The following CTNNA3 variants were observed in gnomAD, a reference collection of about 807,000 sequenced individuals.
CTNNA3 encodes catenin alpha 3.
Under a neutral mutation model 95.7 loss-of-function variants are expected in CTNNA3, and 76 were observed. The ratio of observed to expected loss-of-function variants is 0.79; its 90% CI spans 0.66 to 0.96. The LOEUF is 0.96. CTNNA3 is among the 40% of genes least tolerant of loss of function. CTNNA3 has a pLI of 0.00. For missense variants in CTNNA3, 1,191 were observed against 1,089.8 expected (o/e 1.09, Z -1.31); for synonymous variants, 431 against 374.4 (o/e 1.15, Z -1.74).
At chr10:66,671,218 GTT>G (rs1316645203) in intron 9 of CTNNA3, among the ~76,000 whole-genome samples, 1 of 152,104 alleles carries the variant, frequency 6.6e-6, no homozygotes, top group Admixed American at 6.6e-5. Context: ...CATAAAATAT[GTT>G]ATAAGAGCAT....
rs184166875 is a variant in CTNNA3, at chr10:67,678,161, G to A, written c.-6+17839C>T. Among the ~76,000 whole-genome samples, 8 of 152,048 alleles carry A rather than the reference G, an allele frequency of 5.3e-5. No individual in the cohort carries two copies. The East Asian group carries it at 1.4e-3, about 26-fold the overall frequency. ...TTAAAAATCGTGTAACATAAAAGAG[G>A]AAGACACTTTCTTAAAGATGTAAGG... On this transcript the variant is annotated intron_variant, in intron 1 of 17. Transcript: ENST00000433211.
Position 65,920,634 on chromosome 10 carries a change from G to A in CTNNA3, c.2401-17C>T, listed in dbSNP as rs373428904. Reference sequence around the variant, plus strand: ...ACTGTCCAACTGTAGGGAAAAAAGAGAAAAAAGAGCTATTATTCCAGGAGG... The same window carrying A: ...ACTGTCCAACTGTAGGGAAAAAAGAAAAAAAAGAGCTATTATTCCAGGAGG... On this transcript the variant is annotated splice_polypyrimidine_tract_variant and intron_variant, in intron 17 of 17. Coordinates refer to ENST00000433211, the MANE Select transcript of CTNNA3 (RefSeq NM_013266.4). The A allele has an allele frequency of 5.6e-6, 9 of 1,595,450 alleles. No homozygotes were observed. The African/African-American group carries it at 9.5e-5, about 17-fold the overall frequency.
chr10:66,207,977 C>G (rs997377885), intron 13 of CTNNA3, among the ~76,000 whole-genome samples: 2 of 152,056 alleles, frequency 1.3e-5, no homozygotes, highest in African/African-American at 4.8e-5. Flanking sequence ...GTACTTGCCA[C>G]CACAATATTT....
intron 13 of CTNNA3, among the ~76,000 whole-genome samples, chr10:66,236,731 C>T (rs986968178): frequency 6.6e-6 from 1 of 152,084 alleles, no homozygotes; most frequent in Admixed American, 6.6e-5. Flanking sequence ...GTTTATCTTT[C>T]CAACATGCTT....
chr10:66,075,482 G>A (rs904322250), intron 14 of CTNNA3, among the ~76,000 whole-genome samples: 1 of 151,706 alleles, frequency 6.6e-6, no homozygotes, highest in Non-Finnish European at 1.5e-5. Flanking sequence ...TAGGGACTCA[G>A]TAAATGGTGC....
At chr10:66,545,261 C>T (rs2931265) in intron 10 of CTNNA3, among the ~76,000 whole-genome samples, 139,940 of 151,980 alleles carry the variant, frequency 0.92, 64,625 homozygotes, top group East Asian at 0.98. Context: ...TTAATGTTAC[C>T]GCATAAACGT....
At chr10:67,124,363 TGTGTG>T (rs1859610734) in intron 7 of CTNNA3, among the ~76,000 whole-genome samples, 1 of 151,428 alleles carries the variant, frequency 6.6e-6, no homozygotes, top group Non-Finnish European at 1.5e-5. Context: ...TGTGTGTGTG[TGTGTG>T]TGTGTGGTCT....
chr10:66,895,198 T>C (rs1032206641), intron 7 of CTNNA3, among the ~76,000 whole-genome samples: 15 of 152,116 alleles, frequency 9.9e-5, no homozygotes, highest in African/African-American at 1.9e-4. Context: ...TCTGGTTACA[T>C]TGGGTCTCAA....
At chr10:66,416,454 G>C (rs2132614739) in intron 11 of CTNNA3, among the ~76,000 whole-genome samples, 2 of 151,942 alleles carry the variant, frequency 1.3e-5, no homozygotes, top group East Asian at 3.9e-4. Context: ...CAGAGTCCCA[G>C]CAGTCACCAA....
At chr10:67,407,522 C>G (rs1250394592) in intron 5 of CTNNA3, among the ~76,000 whole-genome samples, 2 of 152,176 alleles carry the variant, frequency 1.3e-5, no homozygotes, top group Non-Finnish European at 2.9e-5. Context: ...AGGATGCCCT[C>G]TCTTACCACT....
intron 12 of CTNNA3, among the ~76,000 whole-genome samples, chr10:66,322,286 C>T (rs919965382): frequency 2.0e-5 from 3 of 152,146 alleles, no homozygotes; most frequent in African/African-American, 7.2e-5. Flanking sequence ...CAGCTCTTTT[C>T]AGGCACTGGA....
chr10:66,468,942 T>C (rs1839029064), intron 11 of CTNNA3, among the ~76,000 whole-genome samples: 1 of 151,850 alleles, frequency 6.6e-6, no homozygotes, highest in Admixed American at 6.6e-5. Flanking sequence ...TTGACTATTA[T>C]AAATAGTACT....
chr10:67,078,812 G>A (rs954143425), intron 7 of CTNNA3, among the ~76,000 whole-genome samples: 8 of 152,130 alleles, frequency 5.3e-5, no homozygotes, highest in South Asian at 4.1e-4. Context: ...CACCGCACCC[G>A]GCCCTCTGAT....
intron 10 of CTNNA3, among the ~76,000 whole-genome samples, chr10:66,614,804 C>T (rs1844452175): frequency 6.6e-6 from 1 of 151,956 alleles, no homozygotes; most frequent in South Asian, 2.1e-4. Context: ...TTTAGAACCA[C>T]ATATTTTAGA....
intron 9 of CTNNA3, among the ~76,000 whole-genome samples, chr10:66,750,903 T>C (rs1436354161): frequency 1.3e-5 from 2 of 152,212 alleles, no homozygotes; most frequent in African/African-American, 4.8e-5. Context: ...TTTGTAGTTT[T>C]CCTCAATTTA....
chr10:66,798,811 G>A (rs536895079), intron 7 of CTNNA3, among the ~76,000 whole-genome samples: 1 of 151,440 alleles, frequency 6.6e-6, no homozygotes, highest in Non-Finnish European at 1.5e-5. Context: ...CAGTCCTATT[G>A]AGATATATGA....
At chr10:67,414,562 G>C (rs1166398264) in intron 5 of CTNNA3, among the ~76,000 whole-genome samples, 1 of 152,070 alleles carries the variant, frequency 6.6e-6, no homozygotes, top group Non-Finnish European at 1.5e-5. Flanking sequence ...AGGAGCAGGG[G>C]CTCCTCCCTA....
At chr10:66,159,440 G>C (rs180885463) in intron 13 of CTNNA3, among the ~76,000 whole-genome samples, 1 of 152,004 alleles carries the variant, frequency 6.6e-6, no homozygotes, top group Admixed American at 6.6e-5. Context: ...TTTTGATTCT[G>C]TTTATGTGGT....
At chr10:66,724,103 A>G (rs1374214010) in intron 9 of CTNNA3, among the ~76,000 whole-genome samples, 1 of 152,088 alleles carries the variant, frequency 6.6e-6, no homozygotes, top group Non-Finnish European at 1.5e-5. Flanking sequence ...CTCTCTGACA[A>G]CAATGCTATT....
Sources: allele counts gnomAD v4.1 joint callset (sites outside exome capture counted in the v4.1 genomes callset), GRCh38; gene constraint gnomAD v4.1.1; transcripts MANE v1.5; gene names NCBI Gene and HGNC (gene_info 2026-07-23, HGNC 2026-07-21).